Variants in LCA5 observed in about 807,000 individuals in gnomAD.
LCA5 encodes the protein lebercilin.
Under a neutral mutation model 53.0 loss-of-function variants are expected in LCA5, and 37 were observed. That is an observed-to-expected ratio of 0.70 (90% CI 0.54 to 0.92). The LOEUF (loss-of-function observed/expected upper bound fraction) is 0.92, where lower values mean the gene tolerates loss of function less well. Among genes scored for constraint, LCA5 ranks in the 40% least tolerant of loss-of-function variants. The pLI is 0.00. For synonymous variants in LCA5, 303 were observed against 282.9 expected (o/e 1.07, Z -0.71); for missense variants, 806 against 790.5 (o/e 1.02, Z -0.23).
rs1423787614 is a variant in LCA5 at position 79,513,630 on chromosome 6, G to A, written c.302C>T (p.Thr101Ile). The A allele has an allele frequency of 6.2e-7, 1 of 1,613,692 alleles. No individual in the cohort carries two copies. Among genetic ancestry groups the A allele is most frequent in the African/African-American group, 1.3e-5 (1 of 74,870 alleles). The change falls in exon 3 of 8, where the codon ACA (threonine) becomes ATA (isoleucine). Residue 101 changes from threonine (T) to isoleucine (I), a missense_variant. Transcript: ENST00000369846. Reference protein sequence around the residue: ...EPLRKDTDLVTKRILSARLLK... With the variant: ...EPLRKDTDLVIKRILSARLLK... ...CAGTCTTGCAGACAGAATCCGTTTTGTAACAAGATCAGTATCTTTCCGAAG... is the reference window on the plus strand; with the variant it reads ...CAGTCTTGCAGACAGAATCCGTTTTATAACAAGATCAGTATCTTTCCGAAG...
chr6:79,497,184 G>C lies in LCA5; in HGVS notation c.721-3434C>G, dbSNP rs146090304. ...TGGAAAGAGCATCATGATAAATACC[G>C]GATCAGAAAAGAATCATCAACGGAT... On this transcript the variant is annotated intron_variant, in intron 3 of 7. Transcript: ENST00000369846. 9.3e-4 allele frequency among the ~76,000 whole-genome samples: 141 copies of C among 152,174 alleles called. 1 individual carries two copies. The highest frequency in any genetic ancestry group is 3.2e-3 in the African/African-American group (134 of 41,530).
At chr6:79,522,105 A>AT (rs1766641822) in intron 1 of LCA5, among the ~76,000 whole-genome samples, 1 of 151,236 alleles carries the variant, frequency 6.6e-6, no homozygotes, top group South Asian at 2.1e-4. Context: ...ATTTATATAT[A>AT]AAAAAAATCA....
chr6:79,489,239 C>T (rs755213269), intron 6 of LCA5, 23 bp from the exon 7 acceptor site: 2 of 1,607,308 alleles, frequency 1.2e-6, no homozygotes, highest in Admixed American at 1.7e-5. Context: ...AAAAAAAATG[C>T]AAGTTCACAA....
At chr6:79,525,767 G>A (rs1405783207) in intron 1 of LCA5, among the ~76,000 whole-genome samples, 4 of 105,030 alleles carry the variant, frequency 3.8e-5, no homozygotes, top group Non-Finnish European at 7.0e-5. Flanking sequence ...AGTTAACTTT[G>A]TAACTAACAA....
chr6:79,508,181 G>C (rs1402847965), intron 3 of LCA5, among the ~76,000 whole-genome samples: 1 of 152,052 alleles, frequency 6.6e-6, no homozygotes. Flanking sequence ...CTCCATCCCT[G>C]GTCTATGGCC....
intron 7 of LCA5, 142 bp downstream of exon 7, chr6:79,488,942 G>T: frequency 2.2e-6 from 2 of 895,966 alleles, no homozygotes; most frequent in Non-Finnish European, 3.5e-6. Context: ...CTCCTGATAA[G>T]CCATCCCCTA....
chr6:79,505,546 T>A (rs1240090741), intron 3 of LCA5, among the ~76,000 whole-genome samples: 1 of 152,180 alleles, frequency 6.6e-6, no homozygotes, highest in Non-Finnish European at 1.5e-5. Flanking sequence ...GAACGGAATG[T>A]CACCTCAGAA....
intron 3 of LCA5, 193 bp downstream of exon 3, chr6:79,513,019 T>C: frequency 1.6e-6 from 1 of 619,876 alleles, no homozygotes; most frequent in Non-Finnish European, 2.9e-6. Context: ...AATCAACATG[T>C]AGCTCATTAA....
At chr6:79,512,976 T>C (rs1016504455) in intron 3 of LCA5, among the ~76,000 whole-genome samples, 3 of 152,074 alleles carry the variant, frequency 2.0e-5, no homozygotes, top group African/African-American at 7.2e-5. Flanking sequence ...GATAACCAAA[T>C]AGAGTATTTT....
At chr6:79,506,811 G>A (rs1271876447) in intron 3 of LCA5, among the ~76,000 whole-genome samples, 1 of 152,010 alleles carries the variant, frequency 6.6e-6, no homozygotes, top group African/African-American at 2.4e-5. Context: ...TATACAATGG[G>A]GTTTTCCAAA....
intron 1 of LCA5, among the ~76,000 whole-genome samples, chr6:79,530,600 G>C (rs1219976055): frequency 1.3e-5 from 2 of 152,134 alleles, no homozygotes; most frequent in Non-Finnish European, 2.9e-5. Context: ...AATAAGGTGG[G>C]TTTTTCTAAC....
Position 79,493,665 on chromosome 6 carries a change from TC to T in LCA5, c.805del (p.Asp269MetfsTer17). 6.2e-7 allele frequency: 1 copy of T among 1,613,690 alleles called. No individual in the cohort carries two copies. The highest frequency in any genetic ancestry group is 8.5e-7 in the Non-Finnish European group (1 of 1,179,654). The stretch of plus-strand genomic sequence containing the variant: ...CTCCTTTTGAAGAACTTTATTTTCA[TC>T]ATGAGCCTCATATGCCCTTTTCCTT... ...AERKRAYEAH[D>X]ENKVLQKEVQ... On this transcript the variant is annotated frameshift_variant, in exon 4 of 8. Coordinates refer to ENST00000369846, the MANE Select transcript of LCA5 (RefSeq NM_001122769.3). LOFTEE classifies it high-confidence loss of function.
chr6:79,516,114 T>C (rs1439711535), intron 2 of LCA5, among the ~76,000 whole-genome samples: 1 of 152,040 alleles, frequency 6.6e-6, no homozygotes, highest in African/African-American at 2.4e-5. Flanking sequence ...TTATTAAAAT[T>C]AATTTCATTT....
At chr6:79,488,694 T>C (rs558152622) in intron 7 of LCA5, 4 of 319,868 alleles carry the variant, frequency 1.3e-5, no homozygotes, top group African/African-American at 6.4e-5. Context: ...CACTCACAAA[T>C]AGTTCTTTAG....
chr6:79,488,800 A>G (rs1476092744), intron 7 of LCA5: 3 of 520,008 alleles, frequency 5.8e-6, no homozygotes, highest in African/African-American at 5.8e-5. Flanking sequence ...AACTTTAGTA[A>G]GTGGCATCTG....
intron 3 of LCA5, among the ~76,000 whole-genome samples, chr6:79,498,275 A>C (rs890168075): frequency 1.8e-4 from 28 of 152,124 alleles, no homozygotes; most frequent in African/African-American, 6.5e-4. Flanking sequence ...TTAGCAACAG[A>C]CGAATCTGGG....
chr6:79,515,945 A>G (rs1766423861), intron 2 of LCA5, among the ~76,000 whole-genome samples: 1 of 152,104 alleles, frequency 6.6e-6, no homozygotes, highest in African/African-American at 2.4e-5. Context: ...ACTGCCACAT[A>G]CAGCTATTGA....
chr6:79,493,540 C>G, intron 4 of LCA5, 73 bp downstream of exon 4: 1 of 1,332,258 alleles, frequency 7.5e-7, no homozygotes, highest in Non-Finnish European at 1.1e-6. Context: ...TGAATAGTAA[C>G]ATTTAGTGTT....
In LCA5 at chr6:79,537,180, T is replaced by A. The variant is rs1767168531; in HGVS notation, c.-207A>T. On this transcript the variant is annotated 5_prime_UTR_variant, in exon 1 of 8. Coordinates refer to ENST00000369846, the MANE Select transcript of LCA5 (RefSeq NM_001122769.3). ...CAAAGCCCACCTCCAACCCGCAGGC[T>A]CTTCAGCAGAGCCGATGCGGCGTCC... The A allele has an allele frequency of 6.5e-6, 1 of 152,732 alleles. No homozygotes were observed. Among genetic ancestry groups the A allele is most frequent in the Non-Finnish European group, 1.5e-5 (1 of 68,384 alleles). The allele number at this position is 152,732 out of a possible 1,614,324, so 9.5% of individuals were successfully genotyped here.
Sources: gnomAD v4.1 joint callset for allele counts (sites outside exome capture counted in the v4.1 genomes callset) on GRCh38, gnomAD v4.1.1 for gene constraint, MANE v1.5 for transcripts, NCBI Gene and HGNC (gene_info 2026-07-23, HGNC 2026-07-21) for gene names.